CLIC5: variants seen among roughly 807,000 people sequenced by gnomAD.
The protein encoded by CLIC5 is chloride intracellular channel protein 5.
Under a neutral mutation model 24.7 loss-of-function variants are expected in CLIC5, and 20 were observed. The observed-to-expected ratio is 0.81, with a 90% CI of 0.57 to 1.18. CLIC5 has a LOEUF of 1.18. Among genes scored for constraint, CLIC5 ranks in the 50% most tolerant of loss-of-function variants. CLIC5 has a pLI of 0.00. For missense variants in CLIC5, 341 were observed against 326.1 expected, an observed-to-expected ratio of 1.05 and a Z score of -0.35; for synonymous variants, 159 against 135.6, an observed-to-expected ratio of 1.17 and a Z score of -1.20.
At position 46,075,872 on chromosome 6, in the gene CLIC5, T is replaced by C. The variant is rs1762752582; in HGVS notation, c.540+3831A>G. Among the ~76,000 whole-genome samples, 5 of 152,190 alleles carry C rather than the reference T, an allele frequency of 3.3e-5. No individual in the cohort carries two copies. In the South Asian group the frequency reaches 1.0e-3, roughly 31 times the overall value. On this transcript the variant is annotated intron_variant, in intron 1 of 5. Transcript: ENST00000185206. ...TTCTGAGAAGGGGTCCATAGCTCAC[T>C]ATAATCTCTAGAGTCAACCATGGCT...
chr6:45,998,303 G>A (rs1766225911), intron 1 of CLIC5, among the ~76,000 whole-genome samples: 1 of 152,216 alleles, frequency 6.6e-6, no homozygotes, highest in South Asian at 2.1e-4. Flanking sequence ...ACAGATGTTA[G>A]GACACTGCTC....
chr6:45,904,343 G>A (rs7746593), intron 5 of CLIC5, among the ~76,000 whole-genome samples: 18,778 of 151,858 alleles, frequency 0.12, 1,871 homozygotes, highest in African/African-American at 0.27. Context: ...CCATTTGCAT[G>A]CATTTTCTTA....
chr6:45,920,755 G>T, intron 4 of CLIC5: 2 of 618,322 alleles, frequency 3.2e-6, no homozygotes, highest in Non-Finnish European at 4.0e-6. Flanking sequence ...AGGAGCAAGC[G>T]GGATGTAGGA....
At chr6:46,041,126 T>C (rs961552856) in intron 1 of CLIC5, among the ~76,000 whole-genome samples, 6 of 152,200 alleles carry the variant, frequency 3.9e-5, no homozygotes, top group African/African-American at 1.4e-4. Context: ...GAAATATGCA[T>C]ATGAAAAACT....
At chr6:45,888,639 T>C (rs777964540) in intron 6 of CLIC5, among the ~76,000 whole-genome samples, 1 of 152,226 alleles carries the variant, frequency 6.6e-6, no homozygotes, top group African/African-American at 2.4e-5. Context: ...ACATATTACA[T>C]AATTTTCAAA....
chr6:46,109,641 A>G, the CLIC5 span, among the ~76,000 whole-genome samples: 1 of 151,766 alleles, frequency 6.6e-6, no homozygotes, highest in African/African-American at 2.4e-5. Flanking sequence ...AATTTTTTAT[A>G]ACTTTGTTTG....
At chr6:45,933,907 TG>T (rs1371685585) in intron 4 of CLIC5, among the ~76,000 whole-genome samples, 1 of 151,006 alleles carries the variant, frequency 6.6e-6, no homozygotes, top group Non-Finnish European at 1.5e-5. Flanking sequence ...AGCTCACAGG[TG>T]GGGGAAGATG....
chr6:45,884,618 T>C (rs1384247790), intron 6 of CLIC5, among the ~76,000 whole-genome samples: 1 of 152,156 alleles, frequency 6.6e-6, no homozygotes, highest in African/African-American at 2.4e-5. Flanking sequence ...GCAGTAGCCA[T>C]GAGACCCTCA....
At chr6:46,080,396 T>C, upstream of CLIC5, 1 of 622,766 alleles carries the variant, frequency 1.6e-6, no homozygotes, top group Non-Finnish European at 2.8e-6. Flanking sequence ...CTCTAACAAT[T>C]ATTTACTGGA....
chr6:45,953,489 C>T (rs1380185081), intron 2 of CLIC5, among the ~76,000 whole-genome samples: 1 of 152,008 alleles, frequency 6.6e-6, no homozygotes, highest in Non-Finnish European at 1.5e-5. Flanking sequence ...CTGTTTTAGA[C>T]AGAGGATGCA....
chr6:46,005,069 T>C (rs1766501592), intron 1 of CLIC5, among the ~76,000 whole-genome samples: 1 of 152,184 alleles, frequency 6.6e-6, no homozygotes. Flanking sequence ...GACGTGGACA[T>C]TGACAGGAGA....
At chr6:45,892,465 A>C (rs1192509651) in intron 6 of CLIC5, among the ~76,000 whole-genome samples, 1 of 152,242 alleles carries the variant, frequency 6.6e-6, no homozygotes, top group African/African-American at 2.4e-5. Flanking sequence ...TTTTGGGCTC[A>C]GTAGTCTCAG....
chr6:46,088,019 C>G, the CLIC5 span, among the ~76,000 whole-genome samples: 1 of 151,992 alleles, frequency 6.6e-6, no homozygotes, highest in Non-Finnish European at 1.5e-5. Context: ...TGTTTCTCTA[C>G]CTTTGACAGT....
intron 4 of CLIC5, among the ~76,000 whole-genome samples, chr6:45,931,815 T>C (rs1388228241): frequency 1.3e-5 from 2 of 152,142 alleles, no homozygotes; most frequent in South Asian, 2.1e-4. Flanking sequence ...TGCGCCACCA[T>C]GCTCGGCTAA....
intron 1 of CLIC5, among the ~76,000 whole-genome samples, chr6:46,071,857 C>G (rs1762606854): frequency 6.6e-6 from 1 of 152,050 alleles, no homozygotes; most frequent in Admixed American, 6.6e-5. Context: ...AAATGGTAGA[C>G]TGGATAAAGA....
chr6:46,023,966 C>G (rs1767256916), intron 1 of CLIC5, among the ~76,000 whole-genome samples: 2 of 151,366 alleles, frequency 1.3e-5, no homozygotes, highest in South Asian at 4.2e-4. Context: ...TTTTGGTGAA[C>G]AGTCCATCTT....
At chr6:45,997,939 T>C (rs2127430230) in intron 1 of CLIC5, among the ~76,000 whole-genome samples, 1 of 152,354 alleles carries the variant, frequency 6.6e-6, no homozygotes, top group South Asian at 2.1e-4. Flanking sequence ...GTTCCATCTG[T>C]TTCATGGTTG....
chr6:46,082,246 A>G (rs1262926154), upstream of CLIC5, among the ~76,000 whole-genome samples: 1 of 152,220 alleles, frequency 6.6e-6, no homozygotes, highest in Non-Finnish European at 1.5e-5. Context: ...ACAATGACCC[A>G]GTGAGGCAGG....
At chr6:46,056,622 G>T (rs567817651) in intron 1 of CLIC5, among the ~76,000 whole-genome samples, 85 of 152,230 alleles carry the variant, frequency 5.6e-4, no homozygotes, top group African/African-American at 1.1e-3. Flanking sequence ...TTACACTACA[G>T]AAATCAGTAA....
Sources: gnomAD v4.1 joint callset for allele counts (sites outside exome capture counted in the v4.1 genomes callset) on GRCh38, gnomAD v4.1.1 for gene constraint, MANE v1.5 for transcripts, NCBI Gene and HGNC (gene_info 2026-07-23, HGNC 2026-07-21) for gene names.